The following STK32B variants were observed in gnomAD, a reference collection of about 807,000 sequenced individuals.
STK32B encodes serine/threonine-protein kinase 32B.
In STK32B, 43 loss-of-function variants were observed where a neutral mutation model predicts 52.6. The ratio of observed to expected loss-of-function variants is 0.82; its 90% CI spans 0.64 to 1.05. STK32B has a LOEUF of 1.05. Ranked by LOEUF, STK32B falls within the 50% of genes least tolerant of loss-of-function variation. STK32B has a pLI of 0.00. For synonymous variants in STK32B, 238 were observed against 204.3 expected, an observed-to-expected ratio of 1.17 and a Z score of -1.41; for missense variants, 621 against 534.6, an observed-to-expected ratio of 1.16 and a Z score of -1.59.
intron 4 of STK32B, among the ~76,000 whole-genome samples, chr4:5,357,632 C>A (rs538706753): frequency 2.2e-5 from 3 of 137,566 alleles, no homozygotes; most frequent in African/African-American, 8.7e-5. Context: ...ACTGTTACAG[C>A]CCTTTTGGAA....
chr4:5,156,728 A>G (rs537357688), intron 2 of STK32B, among the ~76,000 whole-genome samples: 3 of 152,320 alleles, frequency 2.0e-5, no homozygotes, highest in Admixed American at 6.5e-5. Flanking sequence ...ATTAAAATTC[A>G]TGGGATAGCT....
chr4:5,242,984 TGTA>T (rs1270885910), intron 3 of STK32B, among the ~76,000 whole-genome samples: 1 of 152,222 alleles, frequency 6.6e-6, no homozygotes, highest in Admixed American at 6.5e-5. Flanking sequence ...ACTGTAGCCT[TGTA>T]GTATGGTTTG....
At chr4:5,415,754 G>A (rs544760668) in intron 5 of STK32B, among the ~76,000 whole-genome samples, 1 of 151,668 alleles carries the variant, frequency 6.6e-6, no homozygotes, top group Non-Finnish European at 1.5e-5. Flanking sequence ...TTGAGTCTGA[G>A]ATTAGAGGGT....
intron 3 of STK32B, among the ~76,000 whole-genome samples, chr4:5,286,719 T>G (rs1728565104): frequency 6.6e-6 from 1 of 152,136 alleles, no homozygotes; most frequent in African/African-American, 2.4e-5. Flanking sequence ...ATAGGACTGT[T>G]TTTGCATTGT....
At chr4:5,083,103 G>C (rs1185864183) in intron 1 of STK32B, among the ~76,000 whole-genome samples, 1 of 152,140 alleles carries the variant, frequency 6.6e-6, no homozygotes, top group African/African-American at 2.4e-5. Context: ...CACTGTCTCT[G>C]TCTTTCAGAT....
At position 5,199,622 on chromosome 4, in the gene STK32B, G is replaced by C. The variant is rs192689833; in HGVS notation, c.260+31172G>C. Among the ~76,000 whole-genome samples the C allele has an allele frequency of 5.3e-5, 8 of 151,886 alleles. No individual in the cohort carries two copies. In the South Asian group the frequency reaches 8.3e-4, roughly 16 times the overall value. The stretch of plus-strand genomic sequence containing the variant: ...CTCTTTGGTTTTCTAATTTGACTAA[G>C]GTTTAAAATGTTATTAAGTTAGTTA... On this transcript the variant is annotated intron_variant, in intron 3 of 11. Transcript: ENST00000282908.
chr4:5,163,647 T>A (rs918703093), intron 2 of STK32B, among the ~76,000 whole-genome samples: 4 of 151,796 alleles, frequency 2.6e-5, no homozygotes. Flanking sequence ...CCTCAAACAT[T>A]TTCTGAAGGC....
chr4:5,282,232 A>G (rs935549378), intron 3 of STK32B, among the ~76,000 whole-genome samples: 1 of 152,104 alleles, frequency 6.6e-6, no homozygotes, highest in Non-Finnish European at 1.5e-5. Flanking sequence ...ATTGTTTTTT[A>G]CCTATACATG....
intron 3 of STK32B, among the ~76,000 whole-genome samples, chr4:5,302,727 G>A (rs926846849): frequency 3.3e-5 from 5 of 151,952 alleles, no homozygotes; most frequent in East Asian, 1.9e-4. Context: ...CACTGTACCC[G>A]ATGTGTAGTC....
chr4:5,123,139 C>T lies in STK32B; in HGVS notation c.53-16766C>T, dbSNP rs1715163162. 2.6e-5 allele frequency among the ~76,000 whole-genome samples: 4 copies of T among 152,266 alleles called. No homozygotes were observed. The South Asian group carries it at 8.3e-4, about 32-fold the overall frequency. ...TCTTCTTTCTCCTGTGGGCTCTGCT[C>T]CCTGAGGCCTTGCTGTCCATGTGTC... On this transcript the variant is annotated intron_variant, in intron 1 of 11. Coordinates refer to ENST00000282908, the MANE Select transcript of STK32B (RefSeq NM_018401.3).
At chr4:5,446,813 G>T (rs370773455) in intron 7 of STK32B, 37 bp downstream of exon 7, 2 of 1,599,250 alleles carry the variant, frequency 1.3e-6, no homozygotes, top group African/African-American at 2.7e-5. Flanking sequence ...ACGAGGGGCT[G>T]TGCAGTGGGG....
In STK32B at chr4:5,206,921, G is replaced by A. The variant is rs191944510; in HGVS notation, c.260+38471G>A. Among the ~76,000 whole-genome samples, 528 of 152,250 alleles carry A rather than the reference G, an allele frequency of 3.5e-3. 7 individuals are homozygous for A. The highest frequency in any genetic ancestry group is 0.012 in the African/African-American group (484 of 41,548). The stretch of plus-strand genomic sequence containing the variant: ...CTGTATCATTCTTCCCACCCAAAGT[G>A]CCATTCCAGACTCATCCTGTTCTTG... On this transcript the variant is annotated intron_variant, in intron 3 of 11. Coordinates refer to ENST00000282908, the MANE Select transcript of STK32B (RefSeq NM_018401.3).
At chr4:5,283,504 G>T (rs1056892760) in intron 3 of STK32B, among the ~76,000 whole-genome samples, 1 of 152,160 alleles carries the variant, frequency 6.6e-6, no homozygotes, top group African/African-American at 2.4e-5. Flanking sequence ...GAGGTTGCCA[G>T]TCAAATTTAA....
chr4:5,119,261 G>C (rs1000503205), intron 1 of STK32B, among the ~76,000 whole-genome samples: 3 of 152,164 alleles, frequency 2.0e-5, no homozygotes, highest in East Asian at 1.9e-4. Context: ...AGCACTTTCT[G>C]TGCCTTGTCC....
chr4:5,230,037 G>T (rs1055273303), intron 3 of STK32B, among the ~76,000 whole-genome samples: 1 of 151,858 alleles, frequency 6.6e-6, no homozygotes, highest in African/African-American at 2.4e-5. Flanking sequence ...TTGTCGTCCA[G>T]GCTGAAGTGC....
At chr4:5,242,065 G>C (rs1187075509) in intron 3 of STK32B, among the ~76,000 whole-genome samples, 1 of 151,946 alleles carries the variant, frequency 6.6e-6, no homozygotes, top group East Asian at 1.9e-4. Flanking sequence ...ATGGCAGCAT[G>C]ATTTATAACC....
At chr4:5,307,147 G>T (rs1196237214) in intron 3 of STK32B, among the ~76,000 whole-genome samples, 2 of 152,080 alleles carry the variant, frequency 1.3e-5, no homozygotes, top group African/African-American at 4.8e-5. Context: ...GAATTTTCCA[G>T]GTGTTTTTTG....
chr4:5,336,914 C>G (rs1042182095), intron 4 of STK32B, among the ~76,000 whole-genome samples: 1 of 152,180 alleles, frequency 6.6e-6, no homozygotes, highest in African/African-American at 2.4e-5. Context: ...TGATAAGCTT[C>G]CAGAGAAGAG....
chr4:5,333,636 T>C (rs1314437868), intron 4 of STK32B, among the ~76,000 whole-genome samples: 8 of 152,264 alleles, frequency 5.3e-5, no homozygotes, highest in Non-Finnish European at 8.8e-5. Flanking sequence ...TTTAATCCTT[T>C]TTGAATTAAT....
Sources: gnomAD v4.1 joint callset for allele counts (sites outside exome capture counted in the v4.1 genomes callset) on GRCh38, gnomAD v4.1.1 for gene constraint, MANE v1.5 for transcripts, NCBI Gene and HGNC (gene_info 2026-07-23, HGNC 2026-07-21) for gene names.